Variants in C7 observed in about 807,000 individuals in gnomAD.
C7 encodes the protein complement component C7.
C7 carries 83 observed loss-of-function variants against 104.8 expected under a neutral mutation model. That is an observed-to-expected ratio of 0.79 (90% confidence interval 0.66 to 0.95). The LOEUF (loss-of-function observed/expected upper bound fraction) is 0.95, where lower values mean the gene tolerates loss of function less well. Among genes scored for constraint, C7 ranks in the 40% least tolerant of loss-of-function variants. C7 has a pLI of 0.00. For missense variants in C7, 1,070 were observed against 1,011.2 expected (o/e 1.06, Z -0.79); for synonymous variants, 415 against 360.6 (o/e 1.15, Z -1.71).
chr5:40,911,152 G>A (rs962359307), intron 1 of C7: 1 of 152,124 alleles, frequency 6.6e-6, no homozygotes, highest in African/African-American at 2.4e-5. Flanking sequence ...ACTCCAAGTC[G>A]CATGTAGAGT....
intron 13 of C7, among the ~76,000 whole-genome samples, chr5:40,962,976 G>A (rs1740454827): frequency 6.6e-6 from 1 of 152,218 alleles, no homozygotes; most frequent in Non-Finnish European, 1.5e-5. Context: ...GCAAGTGTGT[G>A]TGTGTGTTTG....
At chr5:40,947,530 G>A (rs1262243079) in intron 7 of C7, 72 bp from the exon 8 acceptor site, 2 of 1,528,600 alleles carry the variant, frequency 1.3e-6, no homozygotes, top group African/African-American at 1.4e-5. Flanking sequence ...TGAAGGTATT[G>A]AACAGAGAAC....
intron 14 of C7, among the ~76,000 whole-genome samples, chr5:40,967,002 G>C (rs185544170): frequency 6.6e-6 from 1 of 151,946 alleles, no homozygotes; most frequent in South Asian, 2.1e-4. Context: ...TCTACTTGAA[G>C]GGCTTCTTTT....
chr5:40,925,959 A>G lies in C7; in HGVS notation c.7-2621A>G, dbSNP rs1739542138. 4.6e-5 allele frequency among the ~76,000 whole-genome samples: 7 copies of G among 152,232 alleles called. No individual in the cohort carries two copies. In the South Asian group the frequency reaches 1.4e-3, roughly 31 times the overall value. On this transcript the variant is annotated intron_variant, in intron 1 of 17. Transcript: ENST00000313164. ...AAGCCAAAGAAGCACATTACAAAAA[A>G]AGAAAACTACATGCCAACATTCTTG... is the stretch of plus-strand genomic sequence containing the variant.
intron 1 of C7, among the ~76,000 whole-genome samples, chr5:40,917,134 C>CAAA (rs138855377): frequency 0.2 from 22,866 of 113,032 alleles, 2,094 homozygotes; most frequent in East Asian, 0.34. Context: ...GACTCCATCT[C>CAAA]AAAAAAAAAA....
rs138389531 is a variant in C7, at chr5:40,917,447, G to A, written c.6+7831G>A. ...TGGGTTAATCCATGTTGTCACAAAT[G>A]ACAGAATTTTCTTCTTTTTTTAAGG... On this transcript the variant is annotated intron_variant, in intron 1 of 17. Transcript: ENST00000313164. Among the ~76,000 whole-genome samples the A allele has an allele frequency of 2.1e-3, 322 of 152,234 alleles. 2 individuals carry two copies. The highest frequency in any genetic ancestry group is 7.5e-3 in the African/African-American group (312 of 41,554).
At chr5:40,969,689 G>C (rs1300361041) in intron 14 of C7, among the ~76,000 whole-genome samples, 1 of 152,004 alleles carries the variant, frequency 6.6e-6, no homozygotes, top group African/African-American at 2.4e-5. Flanking sequence ...CCCTGGTCCT[G>C]TGAGACTGCT....
chr5:40,935,735 G>T (rs994671983), intron 4 of C7, among the ~76,000 whole-genome samples: 2 of 152,242 alleles, frequency 1.3e-5, no homozygotes, highest in South Asian at 4.1e-4. Flanking sequence ...AGATCATCTG[G>T]TACTCTCCAG....
At chr5:40,912,731 T>G (rs1246472351) in intron 1 of C7, among the ~76,000 whole-genome samples, 1 of 152,170 alleles carries the variant, frequency 6.6e-6, no homozygotes, top group East Asian at 1.9e-4. Flanking sequence ...TGGCTGAGAG[T>G]CAAAGGCCAA....
rs1740969690 is a variant in C7, at chr5:40,982,383, A to T, written c.*810A>T. ...CGTCTCCAACTCCTGACCTCAGGTA[A>T]TCCGCCTGCCTTGGCCTCCCAAAGT... On this transcript the variant is annotated 3_prime_UTR_variant, in exon 18 of 18. Coordinates refer to ENST00000313164, the MANE Select transcript of C7 (RefSeq NM_000587.4). 1 of 152,084 alleles carries T rather than the reference A, an allele frequency of 6.6e-6. No homozygotes were observed. Among genetic ancestry groups the T allele is most frequent in the African/African-American group, 2.4e-5 (1 of 41,438 alleles). 9.4% of individuals were successfully genotyped at this position (152,084 alleles called of 1,614,324 possible). A position where few individuals can be genotyped will look rare whatever the true frequency, so the allele number is the denominator to read the frequency against.
chr5:40,947,638 G>A lies in C7; in HGVS notation c.775G>A (p.Val259Met). The A allele has an allele frequency of 1.2e-6, 2 of 1,613,416 alleles. No individual in the cohort carries two copies. The highest frequency in any genetic ancestry group is 1.7e-6 in the Non-Finnish European group (2 of 1,179,632). ...QLLVVENTVE[V>M]AQFINNNPEF... ...GCTGGTTGTTGAGAACACTGTTGAAGTGGCTCAGTTCATTAATAACAATCC... is the reference window on the plus strand; with the variant it reads ...GCTGGTTGTTGAGAACACTGTTGAAATGGCTCAGTTCATTAATAACAATCC... Residue 259 changes from valine (V) to methionine (M), a missense_variant, in exon 8 of 18, where the codon GTG (valine) becomes ATG (methionine). Physicochemically the swap from Val to Met is conservative, Grantham distance 21. Coordinates refer to ENST00000313164, the MANE Select transcript of C7 (RefSeq NM_000587.4).
At chr5:40,942,781 T>G (rs1484497854) in intron 6 of C7, among the ~76,000 whole-genome samples, 1 of 151,584 alleles carries the variant, frequency 6.6e-6, no homozygotes, top group Non-Finnish European at 1.5e-5. Flanking sequence ...TTTTTTTTTT[T>G]TTGAGACAGA....
intron 15 of C7, among the ~76,000 whole-genome samples, chr5:40,975,237 G>C (rs997508675): frequency 2.6e-5 from 4 of 151,972 alleles, no homozygotes; most frequent in Admixed American, 6.6e-5. Context: ...TTAGTACAAT[G>C]CTATTGACTA....
At chr5:40,933,534 AT>A (rs1332517739) in intron 3 of C7, among the ~76,000 whole-genome samples, 3 of 152,118 alleles carry the variant, frequency 2.0e-5, no homozygotes, top group Non-Finnish European at 4.4e-5. Flanking sequence ...TAGTTTGATA[AT>A]TTCTTCAGTT....
chr5:40,968,514 A>G (rs891105380), intron 14 of C7, among the ~76,000 whole-genome samples: 1 of 145,788 alleles, frequency 6.9e-6, no homozygotes, highest in Non-Finnish European at 1.5e-5. Context: ...ACTCTATTAT[A>G]GAGTTTTAAA....
At chr5:40,937,433 A>G in intron 5 of C7, 119 bp from the exon 6 acceptor site, 1 of 923,682 alleles carries the variant, frequency 1.1e-6, no homozygotes, top group Non-Finnish European at 1.6e-6. Flanking sequence ...GAAGTGTTTA[A>G]GTGTAATGCA....
chr5:40,922,419 G>A (rs1208566983), intron 1 of C7, among the ~76,000 whole-genome samples: 3 of 140,162 alleles, frequency 2.1e-5, no homozygotes, highest in East Asian at 4.4e-4. Flanking sequence ...ATACACTCGG[G>A]GCTTGGGCGC....
chr5:40,974,770 T>C (rs1740778833), intron 15 of C7, among the ~76,000 whole-genome samples: 1 of 152,196 alleles, frequency 6.6e-6, no homozygotes, highest in Non-Finnish European at 1.5e-5. Flanking sequence ...TCAGGATTTG[T>C]CCTAAAGTAA....
At chr5:40,912,908 T>C (rs532454175) in intron 1 of C7, among the ~76,000 whole-genome samples, 1 of 152,314 alleles carries the variant, frequency 6.6e-6, no homozygotes, top group African/African-American at 2.4e-5. Flanking sequence ...TTCCAAATAA[T>C]GTACATTGTA....
Sources: allele counts gnomAD v4.1 joint callset (sites outside exome capture counted in the v4.1 genomes callset), GRCh38; gene constraint gnomAD v4.1.1; transcripts MANE v1.5; gene names NCBI Gene and HGNC (gene_info 2026-07-23, HGNC 2026-07-21).